REST: variants seen among roughly 807,000 people sequenced by gnomAD.
The protein encoded by REST is RE1 silencing transcription factor.
In REST, 1 loss-of-function variant was observed where a neutral mutation model predicts 30.4. That is an observed-to-expected ratio of 0.03 (90% confidence interval 0.01 to 0.16). The LOEUF (loss-of-function observed/expected upper bound fraction) is 0.16, where lower values mean the gene tolerates loss of function less well. Among genes scored for constraint, REST ranks in the 10% least tolerant of loss-of-function variants. REST has a pLI of 1.00. For synonymous variants in REST, 504 were observed against 451.1 expected, an observed-to-expected ratio of 1.12 and a Z score of -1.49; for missense variants, 1,259 against 1,329.5, an observed-to-expected ratio of 0.95 and a Z score of 0.82.
intron 1 of REST, chr4:56,908,840 G>A (rs1477104659): frequency 6.6e-6 from 1 of 151,758 alleles, no homozygotes; most frequent in Non-Finnish European, 1.5e-5. Context: ...GTCCTGCCGG[G>A]CGCCGTGGGG....
At chr4:56,908,451 C>T (rs543757972) in intron 1 of REST, among the ~76,000 whole-genome samples, 3 of 151,982 alleles carry the variant, frequency 2.0e-5, no homozygotes, top group East Asian at 3.9e-4. Flanking sequence ...AGCAGCGCGT[C>T]GCCTGGACCC....
chr4:56,912,308 A>G (rs1271544530), intron 2 of REST, among the ~76,000 whole-genome samples: 1 of 151,224 alleles, frequency 6.6e-6, no homozygotes, highest in Non-Finnish European at 1.5e-5. Context: ...TTGAACTGAT[A>G]CTAAGCGCAA....
rs138144208 is a variant in REST, at chr4:56,910,962, C to T, written c.324C>T (p.Asn108=). 9.4e-5 allele frequency: 152 copies of T among 1,614,066 alleles called. No homozygotes were observed. The highest frequency in any genetic ancestry group is 1.2e-4 in the Non-Finnish European group (147 of 1,180,042). Reference sequence around the variant, plus strand: ...AAGGTGAACCTCATGGACTGGAAAACATGGAACTGAGAAGTTTGGAACTCA... The same window carrying T: ...AAGGTGAACCTCATGGACTGGAAAATATGGAACTGAGAAGTTTGGAACTCA... ...DIKGEPHGLE[N]MELRSLELSV... The change falls in exon 2 of 4, where the codon AAC becomes AAT. Residue 108 remains asparagine, a synonymous_variant. Transcript: ENST00000309042.
At chr4:56,914,920 AAC>A (rs1720111701) in intron 2 of REST, among the ~76,000 whole-genome samples, 1 of 89,806 alleles carries the variant, frequency 1.1e-5, no homozygotes, top group African/African-American at 4.2e-5. Context: ...TTTTTTTTTT[AAC>A]TTTTTTTTTT....
At chr4:56,927,835 A>C (rs1024131319) in intron 3 of REST, among the ~76,000 whole-genome samples, 1 of 152,188 alleles carries the variant, frequency 6.6e-6, no homozygotes, top group African/African-American at 2.4e-5. Flanking sequence ...GGTGGGGGGA[A>C]AATCAAGAAA....
chr4:56,931,404 G>T lies in REST; in HGVS notation c.2546G>T (p.Trp849Leu), dbSNP rs1275958087. ...EVGLVPVKDS[W>L]LLKESVSTED... ...GGCTTAGTGCCTGTTAAAGATAGCT[G>T]GCTTCTAAAGGAAAGTGTAAGCACA... The change falls in exon 4 of 4, where the codon TGG becomes TTG. Residue 849 changes from tryptophan to leucine, a missense_variant. By Grantham distance (61) the Trp-to-Leu change is moderately conservative. This residue lies in a region of REST where 856 missense variants were observed against 772.8 expected (regional missense o/e 1.11). Transcript: ENST00000309042. The T allele has an allele frequency of 1.9e-6, 3 of 1,614,224 alleles. No individual in the cohort carries two copies. The highest frequency in any genetic ancestry group is 2.7e-5 in the African/African-American group (2 of 75,054).
Position 56,934,454 on chromosome 4 carries a change from CTTA to C in REST, c.*2309_*2311del, listed in dbSNP as rs1721081231. ...AAAAACATGAAGGAAATTAAAACCC[CTTA>C]TTATTAAATTGATTTGTAAAAACAT... On this transcript the variant is annotated 3_prime_UTR_variant, in exon 4 of 4. Coordinates refer to ENST00000309042, the MANE Select transcript of REST (RefSeq NM_005612.5). 1.3e-5 allele frequency: 2 copies of C among 152,074 alleles called. No individual in the cohort carries two copies. Among genetic ancestry groups the C allele is most frequent in the South Asian group, 2.1e-4 (1 of 4,834 alleles). 9.4% of individuals were successfully genotyped at this position (152,074 alleles called of 1,614,324 possible).
chr4:56,911,666 T>C, intron 2 of REST, 130 bp downstream of exon 2: 3 of 718,260 alleles, frequency 4.2e-6, no homozygotes, highest in Non-Finnish European at 6.9e-6. Context: ...CTTTGTGACC[T>C]TGCACAAGTT....
At position 56,929,866 on chromosome 4, in the gene REST, G is replaced by C; in HGVS notation, c.1008G>C (p.Gln336His). 1 of 1,613,672 alleles carries C rather than the reference G, an allele frequency of 6.2e-7. No homozygotes were observed. Among genetic ancestry groups the C allele is most frequent in the East Asian group, 2.2e-5 (1 of 44,862 alleles). ...GTGAGAAGCCATTTAAATGTGATCA[G>C]TGCAGTTATGTGGCCTCTAATCAAC... ...HSGEKPFKCD[Q>H]CSYVASNQHE... The change falls in exon 4 of 4, where the codon CAG (glutamine) becomes CAC (histidine). Residue 336 changes from glutamine to histidine, a missense_variant. Transcript: ENST00000309042.
chr4:56,912,286 T>C (rs1429082431), intron 2 of REST, among the ~76,000 whole-genome samples: 2 of 152,088 alleles, frequency 1.3e-5, no homozygotes, highest in Non-Finnish European at 2.9e-5. Flanking sequence ...CAGACAATTA[T>C]GTTTAGGGTG....
intron 3 of REST, chr4:56,927,589 T>C: frequency 1.0e-6 from 1 of 1,003,392 alleles, no homozygotes; most frequent in South Asian, 2.2e-5. Context: ...ATTTCCGTTT[T>C]TCTACTATGC....
In REST at chr4:56,931,855, A is replaced by C; in HGVS notation, c.2997A>C (p.Ala999=). ...CATCACCTCCTGCTACAATGGCAGC[A>C]AATGAGTCTCAGGAAATTGATGAAG... is the stretch of plus-strand genomic sequence containing the variant. ...ALASPPATMA[A]NESQEIDEDE... The change falls in exon 4 of 4, where the codon GCA becomes GCC. Residue 999 remains alanine, a synonymous_variant. Transcript: ENST00000309042. 1 of 1,614,256 alleles carries C rather than the reference A, an allele frequency of 6.2e-7. No individual in the cohort carries two copies.
intron 3 of REST, among the ~76,000 whole-genome samples, chr4:56,926,679 C>T (rs1440468208): frequency 2.0e-5 from 3 of 150,132 alleles, no homozygotes; most frequent in Admixed American, 6.7e-5. Context: ...CTCAAAGTTA[C>T]CAATTGGTTC....
At position 56,934,431 on chromosome 4, in the gene REST, A is replaced by C. The variant is rs1244243531; in HGVS notation, c.*2279A>C. 6.6e-6 allele frequency: 1 copy of C among 152,146 alleles called. No individual in the cohort carries two copies. The highest frequency in any genetic ancestry group is 1.5e-5 in the Non-Finnish European group (1 of 68,018). 9.4% of individuals were successfully genotyped at this position (152,146 alleles called of 1,614,324 possible). A position where few individuals can be genotyped will look rare whatever the true frequency, so the allele number is the denominator to read the frequency against. On this transcript the variant is annotated 3_prime_UTR_variant, in exon 4 of 4. Transcript: ENST00000309042. ...CTTAAGACTAGAATGCTAAAAACAA[A>C]AACATGAAGGAAATTAAAACCCCTT... is the stretch of plus-strand genomic sequence containing the variant.
chr4:56,920,185 C>T (rs1262783519), intron 3 of REST, among the ~76,000 whole-genome samples: 1 of 151,870 alleles, frequency 6.6e-6, no homozygotes, highest in Non-Finnish European at 1.5e-5. Flanking sequence ...TCTTTTAACC[C>T]CTACTTCTCA....
At chr4:56,920,728 C>T (rs982402585) in intron 3 of REST, among the ~76,000 whole-genome samples, 20 of 151,778 alleles carry the variant, frequency 1.3e-4, no homozygotes, top group Admixed American at 1.2e-3. Flanking sequence ...CCATCAAGAG[C>T]GAAACTCTAT....
At position 56,933,012 on chromosome 4, in the gene REST, A is replaced by G. The variant is rs1721027739; in HGVS notation, c.*860A>G. On this transcript the variant is annotated 3_prime_UTR_variant, in exon 4 of 4. Coordinates refer to ENST00000309042, the MANE Select transcript of REST (RefSeq NM_005612.5). ...TAATAGTGTGTGCAAGTTTGTGAGC[A>G]AATGAAATATGCAGGTTCAATCTAT... The G allele has an allele frequency of 6.6e-6, 1 of 152,224 alleles. No homozygotes were observed. The highest frequency in any genetic ancestry group is 2.4e-5 in the African/African-American group (1 of 41,452). The allele number at this position is 152,224 out of a possible 1,614,324, so 9.4% of individuals were successfully genotyped here. A position where few individuals can be genotyped will look rare whatever the true frequency, so the allele number is the denominator to read the frequency against.
chr4:56,931,965 G>T lies in REST; in HGVS notation c.3107G>T (p.Arg1036Leu), dbSNP rs777464251. The T allele has an allele frequency of 3.0e-5, 48 of 1,614,196 alleles. No individual in the cohort carries two copies. Among genetic ancestry groups the T allele is most frequent in the Non-Finnish European group, 3.9e-5 (46 of 1,180,042 alleles). Residue 1036 changes from arginine (R) to leucine (L), a missense_variant, in exon 4 of 4, where the codon CGG becomes CTG. Physicochemically the swap from Arg to Leu is moderately radical, Grantham distance 102. This residue lies in a region of REST where 856 missense variants were observed against 772.8 expected (regional missense o/e 1.11). Transcript: ENST00000309042. ...GATGATTCTGGATTGCATGGGGCTC[G>T]GCCAGTTCCACAAGAATCTAGCAGA... ...GSDDSGLHGA[R>L]PVPQESSRKN...
chr4:56,908,522 G>T (rs893066309), intron 1 of REST, among the ~76,000 whole-genome samples: 3 of 151,902 alleles, frequency 2.0e-5, no homozygotes, highest in Non-Finnish European at 4.4e-5. Context: ...ACCGAGTCAG[G>T]TCCTTTGAGG....
Sources: allele counts gnomAD v4.1 joint callset (sites outside exome capture counted in the v4.1 genomes callset), GRCh38; gene constraint gnomAD v4.1.1; regional missense constraint gnomAD v4.1.1; transcripts MANE v1.5; gene names NCBI Gene and HGNC (gene_info 2026-07-23, HGNC 2026-07-21).